The following AK5 variants were observed in gnomAD, a reference collection of about 807,000 sequenced individuals.
AK5 encodes the protein adenylate kinase isoenzyme 5.
Under a neutral mutation model 69.5 loss-of-function variants are expected in AK5, and 27 were observed. The observed-to-expected ratio is 0.39, with a 90% CI of 0.29 to 0.54. The LOEUF (loss-of-function observed/expected upper bound fraction) is 0.54. Among genes scored for constraint, AK5 ranks in the 20% least tolerant of loss-of-function variants. AK5 has a pLI of 0.71. For missense variants in AK5, 531 were observed against 700.4 expected, an observed-to-expected ratio of 0.76 and a Z score of 2.73; for synonymous variants, 260 against 244.4, an observed-to-expected ratio of 1.06 and a Z score of -0.60.
intron 13 of AK5, among the ~76,000 whole-genome samples, chr1:77,544,518 T>C (rs917142331): frequency 6.6e-6 from 1 of 152,150 alleles, no homozygotes; most frequent in African/African-American, 2.4e-5. Flanking sequence ...CTATGTTTTT[T>C]TCTATTTTAA....
intron 8 of AK5, among the ~76,000 whole-genome samples, chr1:77,438,605 C>T (rs984499264): frequency 6.6e-6 from 1 of 151,826 alleles, no homozygotes; most frequent in African/African-American, 2.4e-5. Context: ...CAAAAGCAAG[C>T]AAGAAGAGAA....
intron 6 of AK5, among the ~76,000 whole-genome samples, chr1:77,407,750 AATAG>A (rs1649756343): frequency 6.6e-6 from 1 of 152,172 alleles, no homozygotes; most frequent in South Asian, 2.1e-4. Flanking sequence ...CACAGTACCC[AATAG>A]ATAGTTTTTC....
intron 8 of AK5, among the ~76,000 whole-genome samples, chr1:77,450,545 C>A (rs1653079419): frequency 1.7e-4 from 1 of 5,978 alleles, no homozygotes; most frequent in Non-Finnish European, 1.8e-3. Flanking sequence ...TTAATCTTCA[C>A]AACAGTAAAA....
chr1:77,515,257 T>G (rs2100301048), intron 10 of AK5, among the ~76,000 whole-genome samples: 1 of 152,298 alleles, frequency 6.6e-6, no homozygotes, highest in East Asian at 1.9e-4. Flanking sequence ...GATAGAAAAC[T>G]CAGACCTTTC....
chr1:77,503,589 T>C (rs1455758896), intron 10 of AK5, among the ~76,000 whole-genome samples: 1 of 152,160 alleles, frequency 6.6e-6, no homozygotes, highest in African/African-American at 2.4e-5. Context: ...GATAGATTTG[T>C]CTATAAGGTT....
In AK5 at chr1:77,378,331, T is replaced by A. The variant is rs1444385796; in HGVS notation, c.892-32650T>A. Among the ~76,000 whole-genome samples, 7 of 149,708 alleles carry A rather than the reference T, an allele frequency of 4.7e-5. No individual in the cohort carries two copies. The South Asian group carries it at 1.5e-3, about 32-fold the overall frequency. ...CTACAGGAGAAACAGTATAATAGTA[T>A]TTTTTTTTTAGATGGAGTTTCGCTT... On this transcript the variant is annotated intron_variant, in intron 6 of 13. Coordinates refer to ENST00000354567, the MANE Select transcript of AK5 (RefSeq NM_174858.3).
chr1:77,346,390 C>G (rs115503023), intron 6 of AK5: 1 of 152,190 alleles, frequency 6.6e-6, no homozygotes, highest in African/African-American at 2.4e-5. Context: ...TATAATAATA[C>G]ATTTATCCCT....
intron 11 of AK5, 107 bp downstream of exon 11, chr1:77,518,834 A>C: frequency 9.0e-7 from 1 of 1,107,020 alleles, no homozygotes; most frequent in Non-Finnish European, 1.3e-6. Context: ...CAAAGAAACA[A>C]TAGCTGTATA....
chr1:77,452,055 T>C (rs536796485), intron 8 of AK5, among the ~76,000 whole-genome samples: 1 of 152,246 alleles, frequency 6.6e-6, no homozygotes, highest in Admixed American at 6.5e-5. Context: ...AAAATTGCCA[T>C]TATTTCTGTG....
At chr1:77,339,864 C>T (rs1661560105) in intron 5 of AK5, among the ~76,000 whole-genome samples, 1 of 152,026 alleles carries the variant, frequency 6.6e-6, no homozygotes, top group Non-Finnish European at 1.5e-5. Flanking sequence ...TCATGATTCT[C>T]CCGCCTCAGC....
chr1:77,282,512 T>C, intron 1 of AK5, 139 bp downstream of exon 1: 1 of 1,382,894 alleles, frequency 7.2e-7, no homozygotes, highest in East Asian at 3.0e-5. Context: ...ACTCGCCCGC[T>C]CCCCCGAGGG....
intron 12 of AK5, among the ~76,000 whole-genome samples, chr1:77,530,886 G>A (rs576114280): frequency 6.6e-6 from 1 of 152,124 alleles, no homozygotes; most frequent in South Asian, 2.1e-4. Flanking sequence ...AGGGCAGGAG[G>A]GCAAACTTCT....
intron 6 of AK5, among the ~76,000 whole-genome samples, chr1:77,358,169 G>T (rs1662647473): frequency 6.6e-6 from 1 of 152,072 alleles, no homozygotes; most frequent in African/African-American, 2.4e-5. Context: ...TTATCATTTT[G>T]AGTCTTTTTC....
chr1:77,339,642 A>ATTTTTTTTT (rs1457345725), intron 5 of AK5, among the ~76,000 whole-genome samples: 1 of 124,018 alleles, frequency 8.1e-6, no homozygotes. Context: ...ATTTAGCAAT[A>ATTTTTTTTT]TCTTTTTTTT....
At chr1:77,399,240 G>A (rs1649033869) in intron 6 of AK5, among the ~76,000 whole-genome samples, 1 of 152,160 alleles carries the variant, frequency 6.6e-6, no homozygotes, top group African/African-American at 2.4e-5. Flanking sequence ...CTCTGGGGCT[G>A]TACCTGAATC....
intron 13 of AK5, among the ~76,000 whole-genome samples, chr1:77,542,624 G>A (rs1659336455): frequency 6.6e-6 from 1 of 152,144 alleles, no homozygotes; most frequent in Non-Finnish European, 1.5e-5. Flanking sequence ...GATATTTAAA[G>A]CCTCTTTTTT....
intron 8 of AK5, among the ~76,000 whole-genome samples, chr1:77,418,856 A>G (rs768119801): frequency 4.6e-5 from 7 of 152,202 alleles, no homozygotes; most frequent in Non-Finnish European, 8.8e-5. Flanking sequence ...TCTTGAGTAT[A>G]AAGTTCTTTC....
rs143596482 is a variant in AK5 at position 77,348,011 on chromosome 1, G to C, written c.891+7443G>C. Among the ~76,000 whole-genome samples, 986 of 152,212 alleles carry C rather than the reference G, an allele frequency of 6.5e-3. 10 individuals are homozygous for C. Among genetic ancestry groups the C allele is most frequent in the Admixed American group, 0.01 (153 of 15,288 alleles). On this transcript the variant is annotated intron_variant, in intron 6 of 13. Transcript: ENST00000354567. ...TCAGCATCGGATGAGAAGAGCTCTT[G>C]CACCAAAAATGCAATATTTTATTGT...
intron 6 of AK5, among the ~76,000 whole-genome samples, chr1:77,343,355 C>T (rs961027605): frequency 6.6e-6 from 1 of 152,144 alleles, no homozygotes; most frequent in African/African-American, 2.4e-5. Context: ...GTGTCTGAAT[C>T]CTGTCACTTG....
Sources: gnomAD v4.1 joint callset for allele counts (sites outside exome capture counted in the v4.1 genomes callset) on GRCh38, gnomAD v4.1.1 for gene constraint, MANE v1.5 for transcripts, NCBI Gene and HGNC (gene_info 2026-07-23, HGNC 2026-07-21) for gene names.